DOCK2: variants seen among roughly 807,000 people sequenced by gnomAD.
DOCK2 encodes the protein dedicator of cytokinesis 2, also known as dedicator of cytokinesis protein 2.
DOCK2 carries 87 observed loss-of-function variants against 248.9 expected under a neutral mutation model. That is an observed-to-expected ratio of 0.35 (90% confidence interval 0.29 to 0.42). The LOEUF is 0.42. Among genes scored for constraint, DOCK2 ranks in the 10% least tolerant of loss-of-function variants. The pLI is 1.00. For missense variants in DOCK2, 1,747 were observed against 2,300.2 expected (o/e 0.76, Z 4.92); for synonymous variants, 805 against 821.6 (o/e 0.98, Z 0.35).
At chr5:169,818,151 TG>T (rs1176102760) in intron 26 of DOCK2, among the ~76,000 whole-genome samples, 1 of 152,192 alleles carries the variant, frequency 6.6e-6, no homozygotes, top group Non-Finnish European at 1.5e-5. Flanking sequence ...TTTTGAACTC[TG>T]GGGCAGAGAT....
At chr5:169,730,890 C>CT (rs60375086) in intron 22 of DOCK2, among the ~76,000 whole-genome samples, 7,265 of 145,574 alleles carry the variant, frequency 0.05, 351 homozygotes, top group African/African-American at 0.13. Flanking sequence ...CTCTCTCTCT[C>CT]TTTTTTTTAG....
intron 30 of DOCK2, among the ~76,000 whole-genome samples, chr5:170,005,634 T>C (rs1421704978): frequency 1.3e-5 from 2 of 152,040 alleles, no homozygotes; most frequent in African/African-American, 4.8e-5. Context: ...GTGATGAAAA[T>C]GTTCCAAAAT....
intron 27 of DOCK2, among the ~76,000 whole-genome samples, chr5:169,841,094 A>C (rs1292619002): frequency 6.6e-6 from 1 of 152,154 alleles, no homozygotes; most frequent in East Asian, 1.9e-4. Context: ...GCATACCAGC[A>C]AGGGTGGACT....
At chr5:169,855,897 T>TTA (rs1490435531) in intron 27 of DOCK2, among the ~76,000 whole-genome samples, 4 of 152,176 alleles carry the variant, frequency 2.6e-5, no homozygotes, top group African/African-American at 9.7e-5. Context: ...AGAGGTTTAA[T>TTA]TTACTCACAG....
At chr5:170,004,065 C>A (rs1222559900) in intron 30 of DOCK2, among the ~76,000 whole-genome samples, 1 of 152,158 alleles carries the variant, frequency 6.6e-6, no homozygotes, top group African/African-American at 2.4e-5. Context: ...CAGGTCCACT[C>A]CATGAGAATT....
chr5:169,803,205 C>A lies in DOCK2; in HGVS notation c.2702C>A (p.Ala901Glu), dbSNP rs771461758. The change falls in exon 26 of 52, where the codon GCG (alanine) becomes GAG (glutamate). Residue 901 changes from alanine to glutamate, a missense_variant and splice_region_variant. Transcript: ENST00000520908. ...SILEVLSYQD[A>E]AFTYHHIQEI... ...TTGGAAGTCCTTAGCTACCAGGATG[C>A]GGTGAGTCCTCCTGATGATGTAGAT... 6.2e-7 allele frequency: 1 copy of A among 1,612,340 alleles called. No homozygotes were observed. Among genetic ancestry groups the A allele is most frequent in the Non-Finnish European group, 8.5e-7 (1 of 1,179,242 alleles).
In DOCK2 at chr5:170,034,390, C is replaced by T. The variant is rs752895130; in HGVS notation, c.3468-9C>T. 1.2e-6 allele frequency: 2 copies of T among 1,613,878 alleles called. No individual in the cohort carries two copies. The highest frequency in any genetic ancestry group is 1.7e-6 in the Non-Finnish European group (2 of 1,179,940). ...CCATGAGCTCACTGCCCTCTGGTCT[C>T]TGCCGCAGCCTGATGGAATGTGCTG... On this transcript the variant is annotated splice_polypyrimidine_tract_variant and intron_variant, in intron 34 of 51. Transcript: ENST00000520908.
chr5:169,781,254 G>T (rs261583), intron 25 of DOCK2, among the ~76,000 whole-genome samples: 1 of 152,094 alleles, frequency 6.6e-6, no homozygotes. Flanking sequence ...CACAGACAGT[G>T]GCCCCAGCTG....
intron 2 of DOCK2, among the ~76,000 whole-genome samples, chr5:169,660,222 A>G (rs536078372): frequency 2.4e-3 from 363 of 152,062 alleles, no homozygotes; most frequent in African/African-American, 8.2e-3. Context: ...ACAACTTCCT[A>G]CCTCCAAAGG....
chr5:169,921,393 C>T (rs142412948), intron 27 of DOCK2, among the ~76,000 whole-genome samples: 2 of 152,278 alleles, frequency 1.3e-5, no homozygotes, highest in East Asian at 1.9e-4. Flanking sequence ...CCAGAAAAAT[C>T]GATGAGTCTA....
At chr5:170,043,929 T>A (rs1467879669) in intron 38 of DOCK2, among the ~76,000 whole-genome samples, 1 of 152,230 alleles carries the variant, frequency 6.6e-6, no homozygotes, top group Admixed American at 6.5e-5. Flanking sequence ...ATAATAATAT[T>A]TTTTGCATTG....
intron 1 of DOCK2, among the ~76,000 whole-genome samples, chr5:169,638,881 C>T (rs550653957): frequency 6.6e-6 from 1 of 152,146 alleles, no homozygotes; most frequent in Non-Finnish European, 1.5e-5. Flanking sequence ...TGTCTTCAGA[C>T]CCTAGGCCCT....
chr5:169,697,100 G>C (rs1004887255), intron 10 of DOCK2, among the ~76,000 whole-genome samples: 1 of 152,138 alleles, frequency 6.6e-6, no homozygotes, highest in Non-Finnish European at 1.5e-5. Context: ...TTTGGTGTCA[G>C]ATGACAGAAA....
chr5:169,833,623 G>A (rs1254226590), intron 26 of DOCK2, among the ~76,000 whole-genome samples: 3 of 152,292 alleles, frequency 2.0e-5, no homozygotes, highest in African/African-American at 7.2e-5. Flanking sequence ...TATTGAAGGT[G>A]TATTCAATAA....
intron 27 of DOCK2, among the ~76,000 whole-genome samples, chr5:169,968,237 G>A (rs1452223152): frequency 2.6e-5 from 4 of 152,202 alleles, no homozygotes; most frequent in African/African-American, 9.6e-5. Context: ...AAGGCATTCA[G>A]CTAAGCTTCA....
chr5:170,058,810 C>T lies in DOCK2; in HGVS notation c.4467+1144C>T, dbSNP rs146198511. 5.3e-3 allele frequency among the ~76,000 whole-genome samples: 804 copies of T among 152,298 alleles called. 11 individuals carry two copies. The highest frequency in any genetic ancestry group is 7.3e-3 in the Non-Finnish European group (494 of 68,026). On this transcript the variant is annotated intron_variant, in intron 44 of 51. Transcript: ENST00000520908. ...TTGTATCAGACGATAGCATTGAGAC[C>T]GTTTCACTTCTACCCTTAATGCCCC...
At chr5:169,820,239 A>T (rs1256760748) in intron 26 of DOCK2, among the ~76,000 whole-genome samples, 1 of 152,230 alleles carries the variant, frequency 6.6e-6, no homozygotes, top group Non-Finnish European at 1.5e-5. Context: ...CTGCAGACTT[A>T]AGTGTCCCTG....
intron 25 of DOCK2, among the ~76,000 whole-genome samples, chr5:169,778,565 C>T (rs1248358572): frequency 1.3e-5 from 2 of 152,236 alleles, no homozygotes; most frequent in Admixed American, 1.3e-4. Flanking sequence ...CCCTGTCTAA[C>T]TTTCTCTCTC....
intron 29 of DOCK2, among the ~76,000 whole-genome samples, chr5:169,991,424 A>T (rs1778202939): frequency 6.6e-6 from 1 of 152,222 alleles, no homozygotes; most frequent in Admixed American, 6.5e-5. Flanking sequence ...TCTATTGCAT[A>T]TGGCTTCTGG....
Sources: gnomAD v4.1 joint callset for allele counts (sites outside exome capture counted in the v4.1 genomes callset) on GRCh38, gnomAD v4.1.1 for gene constraint, MANE v1.5 for transcripts, NCBI Gene and HGNC (gene_info 2026-07-23, HGNC 2026-07-21) for gene names.